Variants in SLC24A2 observed in about 807,000 individuals in gnomAD.
SLC24A2 encodes the protein sodium/potassium/calcium exchanger 2.
In SLC24A2, 36 loss-of-function variants were observed where a neutral mutation model predicts 62.0. The observed-to-expected ratio is 0.58, with a 90% confidence interval of 0.44 to 0.77. SLC24A2 has a LOEUF of 0.77. SLC24A2 is among the 30% of genes least tolerant of loss of function. SLC24A2 has a pLI of 0.00. For synonymous variants in SLC24A2, 358 were observed against 294.0 expected (o/e 1.22, Z -2.23); for missense variants, 846 against 817.9 (o/e 1.03, Z -0.42).
At chr9:20,007,659 T>A in the SLC24A2 span, among the ~76,000 whole-genome samples, 1 of 152,090 alleles carries the variant, frequency 6.6e-6, no homozygotes, top group Non-Finnish European at 1.5e-5. Flanking sequence ...CTAATCACTC[T>A]TCTCAACAGT....
At chr9:20,018,153 T>C in the SLC24A2 span, among the ~76,000 whole-genome samples, 1 of 152,136 alleles carries the variant, frequency 6.6e-6, no homozygotes, top group Non-Finnish European at 1.5e-5. Flanking sequence ...TTCACCATGT[T>C]AGCCAGGATG....
intron 2 of SLC24A2, among the ~76,000 whole-genome samples, chr9:19,709,603 T>C (rs1312640723): frequency 6.6e-6 from 1 of 151,678 alleles, no homozygotes; most frequent in African/African-American, 2.4e-5. Flanking sequence ...ATGTCCTTTG[T>C]AGGGACATGG....
At chr9:19,841,363 T>C in the SLC24A2 span, among the ~76,000 whole-genome samples, 1 of 152,018 alleles carries the variant, frequency 6.6e-6, no homozygotes, top group Non-Finnish European at 1.5e-5. Context: ...CTGAAGGAGA[T>C]GAGGGGCAAG....
the SLC24A2 span, among the ~76,000 whole-genome samples, chr9:19,816,019 T>C: frequency 5.6e-4 from 84 of 149,662 alleles, no homozygotes; most frequent in African/African-American, 1.9e-3. Flanking sequence ...ATTGCTTTGA[T>C]GGCTTTTCCC....
At chr9:19,912,674 G>A in the SLC24A2 span, among the ~76,000 whole-genome samples, 4 of 152,082 alleles carry the variant, frequency 2.6e-5, no homozygotes, top group Non-Finnish European at 4.4e-5. Flanking sequence ...TTTATAAAAT[G>A]TTCACAAAGA....
chr9:19,536,196 A>ATTTTTTT (rs1833967127), intron 8 of SLC24A2, among the ~76,000 whole-genome samples: 1 of 129,784 alleles, frequency 7.7e-6, no homozygotes, highest in Non-Finnish European at 1.7e-5. Flanking sequence ...TTAATTTTTT[A>ATTTTTTT]TTTATTTATT....
chr9:19,752,801 G>A (rs1179845980), intron 2 of SLC24A2, among the ~76,000 whole-genome samples: 1 of 152,112 alleles, frequency 6.6e-6, no homozygotes, highest in Non-Finnish European at 1.5e-5. Context: ...CCATACTACA[G>A]ATGAGGAAAC....
At chr9:19,840,853 ATTTACCTT>A in the SLC24A2 span, among the ~76,000 whole-genome samples, 1 of 152,162 alleles carries the variant, frequency 6.6e-6, no homozygotes, top group Non-Finnish European at 1.5e-5. Flanking sequence ...GTCATACAGC[ATTTACCTT>A]TAAACTGGCT....
At chr9:20,086,607 C>A in the SLC24A2 span, among the ~76,000 whole-genome samples, 8 of 152,146 alleles carry the variant, frequency 5.3e-5, no homozygotes, top group Admixed American at 2.0e-4. Flanking sequence ...TCTCCCCTCA[C>A]AGGTTTTGTT....
At chr9:19,682,627 T>C (rs1344470907) in intron 2 of SLC24A2, among the ~76,000 whole-genome samples, 1 of 152,028 alleles carries the variant, frequency 6.6e-6, no homozygotes, top group African/African-American at 2.4e-5. Context: ...ACAGCAATAA[T>C]ACAGGGAGCA....
the SLC24A2 span, among the ~76,000 whole-genome samples, chr9:20,106,117 T>C: frequency 6.6e-6 from 1 of 152,126 alleles, no homozygotes; most frequent in African/African-American, 2.4e-5. Flanking sequence ...ATAAATTCCT[T>C]GACACTTACA....
At chr9:20,042,456 T>A in the SLC24A2 span, among the ~76,000 whole-genome samples, 3 of 152,202 alleles carry the variant, frequency 2.0e-5, no homozygotes, top group African/African-American at 7.2e-5. Flanking sequence ...ATCCTAGATC[T>A]AAGATTTCTG....
chr9:20,181,688 G>T, the SLC24A2 span, among the ~76,000 whole-genome samples: 2 of 152,172 alleles, frequency 1.3e-5, no homozygotes. Flanking sequence ...AATGCTAGAA[G>T]AAAACCTCAG....
the SLC24A2 span, among the ~76,000 whole-genome samples, chr9:20,179,001 A>G: frequency 1.3e-5 from 2 of 152,140 alleles, no homozygotes; most frequent in Non-Finnish European, 2.9e-5. Context: ...CACTTGGGGA[A>G]TCTTCTTCAA....
intron 2 of SLC24A2, among the ~76,000 whole-genome samples, chr9:19,752,796 C>T (rs1294126140): frequency 6.6e-6 from 1 of 152,134 alleles, no homozygotes; most frequent in Non-Finnish European, 1.5e-5. Context: ...CATGCCCATA[C>T]TACAGATGAG....
Position 19,655,413 on chromosome 9 carries a change from T to C in SLC24A2, c.931-33114A>G, listed in dbSNP as rs529178620. Among the ~76,000 whole-genome samples, 3 of 152,260 alleles carry C rather than the reference T, an allele frequency of 2.0e-5. No homozygotes were observed. The South Asian group carries it at 6.2e-4, about 32-fold the overall frequency. ...CAGGTAGATGACTTTCACACCATCT[T>C]CACAAGAGCAAAAAATATGTTCAAA... On this transcript the variant is annotated intron_variant, in intron 2 of 10. Transcript: ENST00000341998.
chr9:20,129,008 A>G, the SLC24A2 span, among the ~76,000 whole-genome samples: 3 of 152,120 alleles, frequency 2.0e-5, no homozygotes, highest in African/African-American at 7.2e-5. Context: ...GACAAGTCAC[A>G]GGATGGAGAA....
the SLC24A2 span, among the ~76,000 whole-genome samples, chr9:20,086,115 T>C: frequency 3.3e-4 from 51 of 152,294 alleles, no homozygotes; most frequent in Non-Finnish European, 6.3e-4. Flanking sequence ...AGAAACTCTT[T>C]GTTAGAGTCA....
Position 19,520,907 on chromosome 9 carries a change from C to A in SLC24A2, c.1723G>T (p.Asp575Tyr). 6.2e-7 allele frequency: 1 copy of A among 1,613,936 alleles called. No individual in the cohort carries two copies. Among genetic ancestry groups the A allele is most frequent in the South Asian group, 1.1e-5 (1 of 91,048 alleles). ...ACCTCTACTCACCCTACAGTGATGTCAAAAATGTTGCTTCCAACAGAGCTG... is the reference window on the plus strand; with the variant it reads ...ACCTCTACTCACCCTACAGTGATGTAAAAAATGTTGCTTCCAACAGAGCTG... Reference protein sequence around the residue: ...VSSSVGSNIFDITVGLPLPWL... With the variant: ...VSSSVGSNIFYITVGLPLPWL... Residue 575 changes from aspartate to tyrosine, a missense_variant, in exon 10 of 11, where the codon GAC (aspartate) becomes TAC (tyrosine). By Grantham distance (160) the Asp-to-Tyr change is radical. Transcript: ENST00000341998.
Sources: gnomAD v4.1 joint callset for allele counts (sites outside exome capture counted in the v4.1 genomes callset) on GRCh38, gnomAD v4.1.1 for gene constraint, MANE v1.5 for transcripts, NCBI Gene and HGNC (gene_info 2026-07-23, HGNC 2026-07-21) for gene names.